Variants in ANKRD28 observed in about 807,000 individuals in gnomAD.
ANKRD28 encodes the protein ankyrin repeat domain 28.
In ANKRD28, 44 loss-of-function variants were observed where a neutral mutation model predicts 126.5. The ratio of observed to expected loss-of-function variants is 0.35; its 90% CI spans 0.27 to 0.45. ANKRD28 has a LOEUF of 0.45. Ranked by LOEUF, ANKRD28 falls within the 20% of genes least tolerant of loss-of-function variation. ANKRD28 has a pLI of 1.00. For synonymous variants in ANKRD28, 442 were observed against 468.5 expected (o/e 0.94, Z 0.73); for missense variants, 1,110 against 1,316.6 (o/e 0.84, Z 2.43).
intron 1 of ANKRD28, among the ~76,000 whole-genome samples, chr3:15,804,117 C>G: frequency 6.9e-6 from 1 of 145,250 alleles, no homozygotes; most frequent in Non-Finnish European, 1.5e-5. Context: ...CTCTACTATA[C>G]ATACCATGCC....
intron 21 of ANKRD28, among the ~76,000 whole-genome samples, chr3:15,680,210 A>G (rs2067394633): frequency 6.8e-6 from 1 of 148,084 alleles, no homozygotes; most frequent in Non-Finnish European, 1.5e-5. Flanking sequence ...ATGAAATATT[A>G]TTATTATTAT....
rs2060791420 is a variant in ANKRD28 at position 15,814,465 on chromosome 3, T to C, written c.28-19159A>G. On this transcript the variant is annotated intron_variant, in intron 1 of 27. Coordinates refer to the ANKRD28 transcript ENST00000399451. The surrounding 1 kb of genome is among the most constrained non-coding windows in gnomAD (Gnocchi z 4.7). ...ATTTTATTAATTCAGAATTTACTTT[T>C]ATCCTTCTATCAAGAAAAAAAATAC... Among the ~76,000 whole-genome samples the C allele has an allele frequency of 6.6e-6, 1 of 152,204 alleles. No individual in the cohort carries two copies. The highest frequency in any genetic ancestry group is 1.5e-5 in the Non-Finnish European group (1 of 68,018).
chr3:15,740,313 A>G (rs935177117), intron 4 of ANKRD28, among the ~76,000 whole-genome samples: 1 of 152,222 alleles, frequency 6.6e-6, no homozygotes, highest in Admixed American at 6.5e-5. Flanking sequence ...ACACAGGTGT[A>G]TACATTTGGC....
chr3:15,789,499 G>T (rs1359226275), intron 2 of ANKRD28, among the ~76,000 whole-genome samples: 1 of 151,870 alleles, frequency 6.6e-6, no homozygotes, highest in Non-Finnish European at 1.5e-5. Context: ...CAATGTCTTT[G>T]GTTGTCTCCC....
At chr3:15,835,572 A>G (rs1009819372) in intron 1 of ANKRD28, among the ~76,000 whole-genome samples, 20 of 152,204 alleles carry the variant, frequency 1.3e-4, no homozygotes, top group African/African-American at 4.6e-4. Flanking sequence ...AACTCTGTAT[A>G]AAAGTTTCCA....
At position 15,843,398 on chromosome 3, in the gene ANKRD28, C is replaced by CTCT. The variant is rs748196320; in HGVS notation, c.27+15978_27+15979insAGA. Among the ~76,000 whole-genome samples, 1 of 152,160 alleles carries CTCT rather than the reference C, an allele frequency of 6.6e-6. No individual in the cohort carries two copies. The highest frequency in any genetic ancestry group is 1.5e-5 in the Non-Finnish European group (1 of 68,026). ...GTGGGCAAGAACACACATCCAAACT[C>CTCT]TATCACCTGGTTTTGCCCCATCTGA... On this transcript the variant is annotated intron_variant, in intron 1 of 27. Coordinates refer to the ANKRD28 transcript ENST00000399451. The surrounding 1 kb of genome is among the most constrained non-coding windows in gnomAD (Gnocchi z 5.2).
At chr3:15,762,774 T>C (rs923971738) in intron 3 of ANKRD28, among the ~76,000 whole-genome samples, 3 of 152,242 alleles carry the variant, frequency 2.0e-5, no homozygotes, top group East Asian at 1.9e-4. Context: ...TAAAAAAAAA[T>C]AGCCATAATT....
chr3:15,757,372 T>G (rs1224903205), intron 3 of ANKRD28, among the ~76,000 whole-genome samples: 1 of 152,188 alleles, frequency 6.6e-6, no homozygotes, highest in East Asian at 1.9e-4. Context: ...TAAAGCATTG[T>G]GCTAAATCAT....
At chr3:15,852,018 C>A (rs1439884021) in intron 1 of ANKRD28, among the ~76,000 whole-genome samples, 1 of 152,158 alleles carries the variant, frequency 6.6e-6, no homozygotes, top group Admixed American at 6.5e-5. Flanking sequence ...GAAAAGTCTA[C>A]AGAGACAGAA....
intron 2 of ANKRD28, among the ~76,000 whole-genome samples, chr3:15,791,536 T>C (rs572990991): frequency 4.8e-4 from 73 of 152,282 alleles, no homozygotes; most frequent in Middle Eastern, 3.4e-3. Flanking sequence ...CTTTAATAAA[T>C]GGTGCTGGGA....
intron 1 of ANKRD28, among the ~76,000 whole-genome samples, chr3:15,813,042 ACCT>A (rs2060750566): frequency 7.4e-6 from 1 of 134,772 alleles, no homozygotes; most frequent in South Asian, 2.4e-4. Context: ...CTTTTTAATC[ACCT>A]CCTTTTTTTT....
chr3:15,699,051 C>T (rs1047883733), intron 14 of ANKRD28, among the ~76,000 whole-genome samples: 2 of 152,118 alleles, frequency 1.3e-5, no homozygotes, highest in African/African-American at 2.4e-5. Context: ...GTATATAGAA[C>T]AATGGAACAG....
intron 8 of ANKRD28, among the ~76,000 whole-genome samples, chr3:15,719,516 G>C (rs1024976551): frequency 3.3e-5 from 5 of 152,056 alleles, no homozygotes; most frequent in Non-Finnish European, 7.4e-5. Flanking sequence ...TCAAAATCTG[G>C]ATTGCATGTG....
At chr3:15,746,034 C>G (rs1235292764) in intron 4 of ANKRD28, among the ~76,000 whole-genome samples, 5 of 152,178 alleles carry the variant, frequency 3.3e-5, no homozygotes, top group African/African-American at 1.2e-4. Context: ...TATAGCAGAA[C>G]TACTGATTTG....
At chr3:15,857,708 A>C (rs1357521892) in intron 1 of ANKRD28, among the ~76,000 whole-genome samples, 1 of 152,272 alleles carries the variant, frequency 6.6e-6, no homozygotes, top group African/African-American at 2.4e-5. Context: ...ACTTTTGCTT[A>C]ACACAATCCT....
intron 2 of ANKRD28, among the ~76,000 whole-genome samples, chr3:15,774,375 G>A (rs867611819): frequency 6.6e-6 from 1 of 152,064 alleles, no homozygotes; most frequent in African/African-American, 2.4e-5. Flanking sequence ...CAGAGAACTT[G>A]AATTCGGAAT....
chr3:15,820,175 G>A (rs1372760518), intron 1 of ANKRD28, among the ~76,000 whole-genome samples: 1 of 152,118 alleles, frequency 6.6e-6, no homozygotes, highest in East Asian at 1.9e-4. Flanking sequence ...AACTTGTTAT[G>A]CACCCACTTG....
At chr3:15,712,035 A>G in intron 11 of ANKRD28, 105 bp downstream of exon 11, 1 of 870,696 alleles carries the variant, frequency 1.1e-6, no homozygotes, top group East Asian at 2.6e-5. Context: ...TAAATTATCC[A>G]TACTGGACCC....
At chr3:15,686,368 C>T in intron 18 of ANKRD28, 59 bp from the exon 19 acceptor site, 1 of 1,332,924 alleles carries the variant, frequency 7.5e-7, no homozygotes. Context: ...TAGAAAATGT[C>T]CATCTAAAAG....
Sources: allele counts gnomAD v4.1 joint callset (sites outside exome capture counted in the v4.1 genomes callset), GRCh38; gene constraint gnomAD v4.1.1; non-coding constraint Gnocchi (gnomAD v3.1); transcripts MANE v1.5; gene names NCBI Gene and HGNC (gene_info 2026-07-23, HGNC 2026-07-21).